MARCHF1: variants seen among roughly 807,000 people sequenced by gnomAD.
The protein encoded by MARCHF1 is E3 ubiquitin-protein ligase MARCHF1.
A neutral mutation model predicts 54.2 loss-of-function variants in MARCHF1; 40 were observed. The observed-to-expected ratio is 0.74, with a 90% CI of 0.57 to 0.96. The LOEUF is 0.96. Ranked by LOEUF, MARCHF1 falls within the 40% of genes least tolerant of loss-of-function variation. MARCHF1 has a pLI of 0.00. For synonymous variants in MARCHF1, 236 were observed against 236.3 expected, an observed-to-expected ratio of 1.00 and a Z score of 0.01; for missense variants, 586 against 656.5, an observed-to-expected ratio of 0.89 and a Z score of 1.17.
chr4:163,834,140 C>T (rs1469363199), intron 4 of MARCHF1, among the ~76,000 whole-genome samples: 1 of 152,106 alleles, frequency 6.6e-6, no homozygotes, highest in African/African-American at 2.4e-5. Flanking sequence ...AAAAATTGTA[C>T]TTGTAAATCA....
intron 1 of MARCHF1, among the ~76,000 whole-genome samples, chr4:164,133,365 T>C (rs1756340014): frequency 6.6e-6 from 1 of 152,220 alleles, no homozygotes; most frequent in East Asian, 1.9e-4. Flanking sequence ...AATCTAGCTT[T>C]TATCAAGAAT....
chr4:163,662,199 T>C (rs1046844291), intron 5 of MARCHF1, among the ~76,000 whole-genome samples: 6 of 152,060 alleles, frequency 3.9e-5, no homozygotes, highest in African/African-American at 1.4e-4. Context: ...CTTTAATTAT[T>C]TCCTTGATAA....
chr4:164,051,959 A>G (rs1232624869), intron 2 of MARCHF1, among the ~76,000 whole-genome samples: 6 of 152,206 alleles, frequency 3.9e-5, no homozygotes. Context: ...ACCTAAAATG[A>G]ATGTTGCTAC....
chr4:164,218,291 T>C (rs981658757), intron 1 of MARCHF1, among the ~76,000 whole-genome samples: 3 of 152,090 alleles, frequency 2.0e-5, no homozygotes, highest in Non-Finnish European at 4.4e-5. Flanking sequence ...AATTGTAGCG[T>C]TGAGTATTGA....
chr4:163,687,133 G>A (rs1212468986), intron 5 of MARCHF1, among the ~76,000 whole-genome samples: 1 of 151,996 alleles, frequency 6.6e-6, no homozygotes, highest in East Asian at 1.9e-4. Context: ...TATCAAGTTG[G>A]GGAAACAAGA....
intron 5 of MARCHF1, 104 bp from the exon 6 acceptor site, chr4:163,613,497 C>T: frequency 6.2e-7 from 1 of 1,611,222 alleles, no homozygotes; most frequent in Non-Finnish European, 8.5e-7. Context: ...AACGTGGCTG[C>T]TGGTCATGTT....
intron 2 of MARCHF1, among the ~76,000 whole-genome samples, chr4:163,998,267 T>C (rs950888815): frequency 2.0e-5 from 3 of 151,570 alleles, no homozygotes; most frequent in South Asian, 2.1e-4. Flanking sequence ...CATTAGAGCA[T>C]TGTAACAGTC....
intron 1 of MARCHF1, among the ~76,000 whole-genome samples, chr4:164,312,183 T>C: frequency 6.6e-6 from 1 of 152,098 alleles, no homozygotes; most frequent in East Asian, 1.9e-4. Context: ...AAATTCAAAT[T>C]ACAGAGAACA....
At chr4:164,130,780 T>C (rs1020721663) in intron 1 of MARCHF1, among the ~76,000 whole-genome samples, 4 of 152,168 alleles carry the variant, frequency 2.6e-5, no homozygotes, top group Non-Finnish European at 5.9e-5. Context: ...TTCACTGTTT[T>C]GTCCAGTATA....
rs139692097 is a variant in MARCHF1 at position 163,942,102 on chromosome 4, ATATT to A, written c.-39+46395_-39+46398del. On this transcript the variant is annotated intron_variant, in intron 3 of 9. Coordinates refer to ENST00000514618, the MANE Select transcript of MARCHF1 (RefSeq NM_001394959.1). ...ATGAACAATAAAACAGCATGTTAAA[ATATT>A]TATTTTCTATTGCTTCATATTCCAT... Among the ~76,000 whole-genome samples the A allele has an allele frequency of 7.5e-3, 1,141 of 152,284 alleles. 7 individuals are homozygous for A. Among genetic ancestry groups the A allele is most frequent in the Non-Finnish European group, 0.012 (846 of 67,992 alleles).
intron 3 of MARCHF1, among the ~76,000 whole-genome samples, chr4:163,856,728 G>A (rs1579343744): frequency 6.6e-6 from 1 of 151,996 alleles, no homozygotes; most frequent in African/African-American, 2.4e-5. Flanking sequence ...GCCTCCAAAG[G>A]GGCTGGGCAC....
At chr4:164,249,651 A>G (rs957250107) in intron 1 of MARCHF1, among the ~76,000 whole-genome samples, 2 of 151,994 alleles carry the variant, frequency 1.3e-5, no homozygotes, top group South Asian at 2.1e-4. Flanking sequence ...CTACCAATCT[A>G]TAAGAATGAA....
At position 163,886,512 on chromosome 4, in the gene MARCHF1, CA is replaced by C. The variant is rs552663015; in HGVS notation, c.-38-32344del. Reference sequence around the variant, plus strand: ...AAAAATACTGGTGCAGCATTAACAACAAAAAACAGTTACTAAAATCCTAGGA... The same window carrying C: ...AAAAATACTGGTGCAGCATTAACAACAAAAACAGTTACTAAAATCCTAGGA... On this transcript the variant is annotated intron_variant, in intron 3 of 9. Transcript: ENST00000514618. Among the ~76,000 whole-genome samples, 434 of 151,786 alleles carry C rather than the reference CA, an allele frequency of 2.9e-3. 6 individuals are homozygous for C. The highest frequency in any genetic ancestry group is 0.014 in the Middle Eastern group (4 of 292).
At chr4:163,752,637 A>T (rs1746557054) in intron 4 of MARCHF1, among the ~76,000 whole-genome samples, 1 of 152,230 alleles carries the variant, frequency 6.6e-6, no homozygotes, top group Admixed American at 6.5e-5. Context: ...AGTATACAGG[A>T]TATTCATAAT....
intron 5 of MARCHF1, among the ~76,000 whole-genome samples, chr4:163,653,444 T>G (rs1743037904): frequency 6.6e-6 from 1 of 151,730 alleles, no homozygotes; most frequent in Non-Finnish European, 1.5e-5. Context: ...ATTTTCTTAA[T>G]TGTGTAGAGA....
chr4:164,286,132 G>T (rs965323289), intron 1 of MARCHF1, among the ~76,000 whole-genome samples: 9 of 152,130 alleles, frequency 5.9e-5, no homozygotes, highest in African/African-American at 1.9e-4. Context: ...ACTTAGCATA[G>T]TAGTCTACCT....
At chr4:164,375,829 A>T (rs946055270) in intron 1 of MARCHF1, among the ~76,000 whole-genome samples, 5 of 152,050 alleles carry the variant, frequency 3.3e-5, no homozygotes, top group Admixed American at 3.3e-4. Context: ...CCTTGAGCAC[A>T]CTTCATTTCT....
intron 4 of MARCHF1, among the ~76,000 whole-genome samples, chr4:163,737,710 T>C (rs1579243789): frequency 8.1e-6 from 1 of 122,788 alleles, no homozygotes; most frequent in Admixed American, 8.2e-5. Context: ...CACTATGAGA[T>C]ATCATCTCAC....
chr4:163,967,329 G>C lies in MARCHF1; in HGVS notation c.-39+21172C>G, dbSNP rs571408896. 2.6e-5 allele frequency among the ~76,000 whole-genome samples: 4 copies of C among 152,212 alleles called. No homozygotes were observed. In the South Asian group the frequency reaches 8.3e-4, roughly 32 times the overall value. On this transcript the variant is annotated intron_variant, in intron 3 of 9. Transcript: ENST00000514618. ...GGAGCAGTGAGCAGTGGGAATGAAG[G>C]GAAGGGGAAATAAGTGATCAGAGGC...
Sources: gnomAD v4.1 joint callset for allele counts (sites outside exome capture counted in the v4.1 genomes callset) on GRCh38, gnomAD v4.1.1 for gene constraint, MANE v1.5 for transcripts, NCBI Gene and HGNC (gene_info 2026-07-23, HGNC 2026-07-21) for gene names.